The following CPPED1 variants were observed in gnomAD, a reference collection of about 807,000 sequenced individuals.
The protein encoded by CPPED1 is calcineurin like phosphoesterase domain containing 1.
In CPPED1, 28 loss-of-function variants were observed where a neutral mutation model predicts 28.0. The ratio of observed to expected loss-of-function variants is 1.00; its 90% CI spans 0.74 to 1.37. The LOEUF is 1.37. Among genes scored for constraint, CPPED1 ranks in the 40% most tolerant of loss-of-function variants. The pLI is 0.00. For synonymous variants in CPPED1, 198 were observed against 180.2 expected (o/e 1.10, Z -0.79); for missense variants, 504 against 416.5 (o/e 1.21, Z -1.83).
chr16:12,727,173 A>G (rs1476460414), intron 2 of CPPED1, among the ~76,000 whole-genome samples: 3 of 152,154 alleles, frequency 2.0e-5, no homozygotes, highest in Non-Finnish European at 4.4e-5. Flanking sequence ...TCCAGTATAG[A>G]GGGGTTTTAG....
In CPPED1 at chr16:12,771,339, G is replaced by A. The variant is rs77886911; in HGVS notation, c.289+9846C>T. Among the ~76,000 whole-genome samples, 64 of 152,340 alleles carry A rather than the reference G, an allele frequency of 4.2e-4. No homozygotes were observed. In the East Asian group the frequency reaches 0.01, roughly 25 times the overall value. ...CATGTGTTCCAGAAAACTGTACTGG[G>A]TGCCTACCATGTGCTGGCTTCTTGC... On this transcript the variant is annotated intron_variant, in intron 2 of 3. Transcript: ENST00000381774.
chr16:12,731,117 G>A (rs964977715), intron 2 of CPPED1, among the ~76,000 whole-genome samples: 1 of 151,440 alleles, frequency 6.6e-6, no homozygotes, highest in African/African-American at 2.4e-5. Flanking sequence ...AGACCAGCCT[G>A]GGCAACATAT....
intron 3 of CPPED1, among the ~76,000 whole-genome samples, chr16:12,685,381 C>T (rs545665008): frequency 2.0e-5 from 3 of 152,082 alleles, no homozygotes; most frequent in Non-Finnish European, 4.4e-5. Flanking sequence ...ACCCAGGAGG[C>T]GGAGGTTGCA....
chr16:12,732,077 C>T (rs2080200789), intron 2 of CPPED1, among the ~76,000 whole-genome samples: 2 of 151,726 alleles, frequency 1.3e-5, no homozygotes, highest in African/African-American at 2.4e-5. Context: ...GCAGTAGAAT[C>T]GCCTGGGGGG....
chr16:12,665,017 C>A lies in CPPED1; in HGVS notation c.814G>T (p.Gly272Cys). The A allele has an allele frequency of 6.2e-7, 1 of 1,609,906 alleles. No homozygotes were observed. Among genetic ancestry groups the A allele is most frequent in the Non-Finnish European group, 8.5e-7 (1 of 1,178,722 alleles). The change falls in exon 4 of 4, where the codon GGC becomes TGC. Residue 272 changes from glycine (G) to cysteine (C), a missense_variant. Coordinates refer to ENST00000381774, the MANE Select transcript of CPPED1 (RefSeq NM_018340.3). ...ACTCGGAGCCCGTGGGGGTCTCTGC[C>A]CAGCTGGCATCCAATGGCAGATGAC... ...VVSSAIGCQL[G>C]RDPHGLRVVV...
chr16:12,748,460 C>G (rs955050122), intron 2 of CPPED1, among the ~76,000 whole-genome samples: 1 of 152,180 alleles, frequency 6.6e-6, no homozygotes, highest in African/African-American at 2.4e-5. Flanking sequence ...ATATTAAAAG[C>G]ATACCTCAGA....
intron 2 of CPPED1, among the ~76,000 whole-genome samples, chr16:12,736,397 G>T (rs533578392): frequency 7.0e-4 from 107 of 152,040 alleles, no homozygotes; most frequent in African/African-American, 2.4e-3. Flanking sequence ...ATACCACCAT[G>T]CCTGGCTAAT....
intron 3 of CPPED1, among the ~76,000 whole-genome samples, chr16:12,701,164 G>C (rs567687573): frequency 6.6e-6 from 1 of 151,944 alleles, no homozygotes; most frequent in African/African-American, 2.4e-5. Flanking sequence ...AGGAATCCAG[G>C]GCTGCAGTGA....
Position 12,670,284 on chromosome 16 carries a change from C to A in CPPED1, c.716-5169G>T, listed in dbSNP as rs530881485. Among the ~76,000 whole-genome samples, 3 of 152,168 alleles carry A rather than the reference C, an allele frequency of 2.0e-5. No individual in the cohort carries two copies. The East Asian group carries it at 5.8e-4, about 29-fold the overall frequency. ...CATTCCAGTTTGGGTGACAGAGAGA[C>A]CTTGTCTCTAAAAACAAACAAATAA... On this transcript the variant is annotated intron_variant, in intron 3 of 3. Coordinates refer to ENST00000381774, the MANE Select transcript of CPPED1 (RefSeq NM_018340.3). This position sits in a 1 kb window ranked among gnomAD's most constrained non-coding sequence, Gnocchi z 4.2.
At chr16:12,754,512 C>T (rs942801786) in intron 2 of CPPED1, among the ~76,000 whole-genome samples, 1 of 152,210 alleles carries the variant, frequency 6.6e-6, no homozygotes, top group Non-Finnish European at 1.5e-5. Context: ...ATTAAAGGGG[C>T]ATGTGCACAT....
chr16:12,702,832 G>A (rs962314101), intron 3 of CPPED1, among the ~76,000 whole-genome samples: 6 of 151,756 alleles, frequency 4.0e-5, no homozygotes, highest in African/African-American at 1.5e-4. Flanking sequence ...AACTAAACCT[G>A]GCCAAACTGT....
intron 2 of CPPED1, among the ~76,000 whole-genome samples, chr16:12,750,352 G>T (rs1289574608): frequency 6.6e-6 from 1 of 152,174 alleles, no homozygotes; most frequent in African/African-American, 2.4e-5. Flanking sequence ...GGCAAAGGAT[G>T]TATGACTCTT....
chr16:12,737,666 G>A (rs2080233650), intron 2 of CPPED1, among the ~76,000 whole-genome samples: 2 of 152,206 alleles, frequency 1.3e-5, no homozygotes, highest in South Asian at 4.1e-4. Context: ...TTGCCCCCCT[G>A]AAGAATTCTA....
intron 2 of CPPED1, among the ~76,000 whole-genome samples, chr16:12,776,489 G>A (rs1050143039): frequency 2.6e-5 from 4 of 152,180 alleles, no homozygotes; most frequent in Admixed American, 6.5e-5. Flanking sequence ...GAAGGGACCT[G>A]GTGGGAGGTA....
At chr16:12,750,631 A>C (rs2141217990) in intron 2 of CPPED1, among the ~76,000 whole-genome samples, 1 of 152,308 alleles carries the variant, frequency 6.6e-6, no homozygotes, top group East Asian at 1.9e-4. Flanking sequence ...AAAGTTCAAA[A>C]TATTGCAAGA....
intron 2 of CPPED1, among the ~76,000 whole-genome samples, chr16:12,740,325 G>A (rs2080248593): frequency 1.3e-5 from 2 of 151,488 alleles, no homozygotes; most frequent in Admixed American, 1.3e-4. Flanking sequence ...GGCACCTGTA[G>A]TCCCAGCTAC....
At chr16:12,753,144 A>C (rs888031947) in intron 2 of CPPED1, 1 of 151,998 alleles carries the variant, frequency 6.6e-6, no homozygotes, top group Non-Finnish European at 1.5e-5. Flanking sequence ...TTTCTTTGAA[A>C]AGTTACTGGA....
At chr16:12,689,432 G>A (rs755629646) in intron 3 of CPPED1, among the ~76,000 whole-genome samples, 2 of 115,082 alleles carry the variant, frequency 1.7e-5, no homozygotes, top group African/African-American at 2.6e-5. Context: ...GTCTTGCTAT[G>A]TTGCCCAGGC....
At chr16:12,770,401 C>T (rs2080463133) in intron 2 of CPPED1, among the ~76,000 whole-genome samples, 1 of 152,210 alleles carries the variant, frequency 6.6e-6, no homozygotes, top group African/African-American at 2.4e-5. Flanking sequence ...AAATCCCCAT[C>T]CACAGAACGC....
Sources: allele counts gnomAD v4.1 joint callset (sites outside exome capture counted in the v4.1 genomes callset), GRCh38; gene constraint gnomAD v4.1.1; non-coding constraint Gnocchi (gnomAD v3.1); transcripts MANE v1.5; gene names NCBI Gene and HGNC (gene_info 2026-07-23, HGNC 2026-07-21).